The following USP47 variants were observed in gnomAD, a reference collection of about 807,000 sequenced individuals.
The protein encoded by USP47 is ubiquitin carboxyl-terminal hydrolase 47.
In USP47, 35 loss-of-function variants were observed where a neutral mutation model predicts 165.1. The observed-to-expected ratio is 0.21, with a 90% CI of 0.16 to 0.28. The LOEUF is 0.28. Ranked by LOEUF, USP47 falls within the 10% of genes least tolerant of loss-of-function variation. The pLI is 1.00. For missense variants in USP47, 1,277 were observed against 1,607.4 expected (o/e 0.79, Z 3.52); for synonymous variants, 531 against 544.5 (o/e 0.98, Z 0.35).
chr11:11,892,818 T>TAAAAAAA (rs778720093), intron 4 of USP47, among the ~76,000 whole-genome samples: 1 of 80,168 alleles, frequency 1.2e-5, no homozygotes, highest in Non-Finnish European at 2.3e-5. Context: ...CTGTCTCAAG[T>TAAAAAAA]AAAAAAAAAA....
chr11:11,930,426 T>C (rs1854585144), intron 13 of USP47, among the ~76,000 whole-genome samples: 1 of 152,190 alleles, frequency 6.6e-6, no homozygotes, highest in South Asian at 2.1e-4. Flanking sequence ...GGCCCCTGAC[T>C]TAACTGTTGT....
intron 4 of USP47, 67 bp from the exon 5 acceptor site, chr11:11,897,527 ATTC>A: frequency 8.7e-7 from 1 of 1,152,598 alleles, no homozygotes; most frequent in Non-Finnish European, 1.2e-6. Context: ...TGTGAATTAA[ATTC>A]TTATTATGTT....
chr11:11,935,101 G>A (rs1854958308), intron 16 of USP47, among the ~76,000 whole-genome samples: 1 of 152,066 alleles, frequency 6.6e-6, no homozygotes. Flanking sequence ...TATCTCAGGT[G>A]ATTCTTAGGC....
At chr11:11,886,675 A>T (rs1303503693) in intron 3 of USP47, among the ~76,000 whole-genome samples, 8 of 152,196 alleles carry the variant, frequency 5.3e-5, no homozygotes, top group Admixed American at 4.6e-4. Context: ...ATACTTAAGG[A>T]TGTCATCCAG....
intron 10 of USP47, 72 bp downstream of exon 10, chr11:11,920,566 T>C: frequency 7.0e-7 from 1 of 1,421,240 alleles, no homozygotes; most frequent in Non-Finnish European, 9.4e-7. Context: ...AAGAGCTGTT[T>C]GAGGTAATAA....
intron 5 of USP47, 126 bp from the exon 6 acceptor site, chr11:11,902,589 A>T (rs189181638): frequency 4.8e-6 from 3 of 619,864 alleles, no homozygotes; most frequent in Non-Finnish European, 2.4e-6. Flanking sequence ...ATTAGTTTCA[A>T]TTAGCATTCA....
chr11:11,933,140 T>G (rs1297948228), intron 15 of USP47, 24 bp downstream of exon 15: 1 of 1,591,258 alleles, frequency 6.3e-7, no homozygotes. Flanking sequence ...ATTTTATTTT[T>G]AATTGAAAGT....
Position 11,879,501 on chromosome 11 carries a change from G to A in USP47, c.40-676G>A, listed in dbSNP as rs142022412. On this transcript the variant is annotated intron_variant, in intron 1 of 27. Transcript: ENST00000527733. ...GCATAGCTTATTTGAGAAAGTTTAA[G>A]CAGGAAGGATAATTTGTGACCCTAA... is the stretch of plus-strand genomic sequence containing the variant. 2.0e-5 allele frequency among the ~76,000 whole-genome samples: 3 copies of A among 152,252 alleles called. No homozygotes were observed. In the East Asian group the frequency reaches 5.8e-4, roughly 29 times the overall value.
chr11:11,872,463 G>A (rs932811767), intron 1 of USP47, among the ~76,000 whole-genome samples: 34 of 152,172 alleles, frequency 2.2e-4, no homozygotes, highest in African/African-American at 7.7e-4. Context: ...ACTTTACGTA[G>A]GGAAGCAAGT....
intron 11 of USP47, among the ~76,000 whole-genome samples, chr11:11,924,341 T>C (rs1854082596): frequency 6.6e-6 from 1 of 152,168 alleles, no homozygotes; most frequent in African/African-American, 2.4e-5. Context: ...TGTGTGTTTC[T>C]TTTTATACTT....
rs1360790382 is a variant in USP47, at chr11:11,954,905, A to G, written c.3723A>G (p.Glu1241=). The change falls in exon 26 of 28, where the codon GAA becomes GAG. Residue 1241 remains glutamate (E), a synonymous_variant. Transcript: ENST00000527733. ...AATGTTTTATTTTACAGCTTAGTGA[A>G]ATCAGTGGGATTCCTTTGGATGATA... The part of the protein sequence containing the change: ...SVDELREKLS[E]ISGIPLDDIE... 6.2e-7 allele frequency: 1 copy of G among 1,613,658 alleles called. No homozygotes were observed. The highest frequency in any genetic ancestry group is 8.5e-7 in the Non-Finnish European group (1 of 1,179,884).
intron 1 of USP47, among the ~76,000 whole-genome samples, chr11:11,844,250 G>C (rs1278918298): frequency 6.6e-6 from 1 of 151,940 alleles, no homozygotes; most frequent in Non-Finnish European, 1.5e-5. Flanking sequence ...CTTGATTTTA[G>C]TGATACTCCA....
rs76866304 is a variant in USP47, at chr11:11,931,115, A to G, written c.1651+364A>G. On this transcript the variant is annotated intron_variant, in intron 14 of 27. Coordinates refer to ENST00000527733, the MANE Select transcript of USP47 (RefSeq NM_001282659.2). ...TAATTCTGACTCAGGCTGTATTACA[A>G]ATATCTAGGGGGGTGTGTACAGATA... Among the ~76,000 whole-genome samples, 468 of 152,230 alleles carry G rather than the reference A, an allele frequency of 3.1e-3. 1 individual carries two copies. The highest frequency in any genetic ancestry group is 0.01 in the African/African-American group (418 of 41,546).
chr11:11,941,244 G>A (rs1855447224), intron 19 of USP47, among the ~76,000 whole-genome samples: 3 of 151,890 alleles, frequency 2.0e-5, no homozygotes, highest in East Asian at 1.9e-4. Flanking sequence ...TGTGGTGGGG[G>A]AGGGGATGTA....
chr11:11,893,265 C>T (rs754137536), intron 4 of USP47, among the ~76,000 whole-genome samples: 2 of 151,986 alleles, frequency 1.3e-5, no homozygotes, highest in Non-Finnish European at 2.9e-5. Flanking sequence ...GAAATGAAAA[C>T]GGGTTCAGAG....
rs564432644 is a variant in USP47 at position 11,953,878 on chromosome 11, T to C, written c.3714+1007T>C. Among the ~76,000 whole-genome samples the C allele has an allele frequency of 3.9e-5, 6 of 152,338 alleles. No individual in the cohort carries two copies. The East Asian group carries it at 7.7e-4, about 20-fold the overall frequency. On this transcript the variant is annotated intron_variant, in intron 25 of 27. Coordinates refer to ENST00000527733, the MANE Select transcript of USP47 (RefSeq NM_001282659.2). ...CCTTTGATAAGTGTATAAATTGATA[T>C]GATTTTTTTCAAGTTCAGTTGGCAT...
intron 1 of USP47, 66 bp downstream of exon 1, chr11:11,842,290 C>T (rs1427743241): frequency 6.6e-7 from 1 of 1,514,864 alleles, no homozygotes; most frequent in East Asian, 2.5e-5. Flanking sequence ...AGGCCCGGGC[C>T]GGGGTTCGGC....
At chr11:11,950,542 C>A (rs1856149937) in intron 24 of USP47, 60 bp downstream of exon 24, 6 of 1,126,210 alleles carry the variant, frequency 5.3e-6, no homozygotes, top group Admixed American at 4.7e-5. Flanking sequence ...CTAATAGAAG[C>A]CTATAGTTTT....
intron 8 of USP47, among the ~76,000 whole-genome samples, chr11:11,915,622 G>A (rs1220761567): frequency 1.3e-5 from 2 of 151,976 alleles, no homozygotes; most frequent in African/African-American, 2.4e-5. Flanking sequence ...AGAGGTCTCT[G>A]TATGTTATTT....
Sources: gnomAD v4.1 joint callset for allele counts (sites outside exome capture counted in the v4.1 genomes callset) on GRCh38, gnomAD v4.1.1 for gene constraint, MANE v1.5 for transcripts, NCBI Gene and HGNC (gene_info 2026-07-23, HGNC 2026-07-21) for gene names.